The following CLVS1 variants were observed in gnomAD, a reference collection of about 807,000 sequenced individuals.
CLVS1 encodes clavesin-1.
A neutral mutation model predicts 33.1 loss-of-function variants in CLVS1; 10 were observed. The observed-to-expected ratio is 0.30, with a 90% CI of 0.19 to 0.51. The LOEUF is 0.51. CLVS1 is among the 20% of genes least tolerant of loss of function. The pLI is 0.97. For missense variants in CLVS1, 343 were observed against 433.4 expected (o/e 0.79, Z 1.85); for synonymous variants, 163 against 166.1 (o/e 0.98, Z 0.14).
the CLVS1 span, among the ~76,000 whole-genome samples, chr8:61,014,238 T>C: frequency 0.5 from 75,534 of 151,934 alleles, 21,555 homozygotes; most frequent in African/African-American, 0.79. Context: ...TATTCCCCCT[T>C]GTGGAGCTGG....
chr8:61,476,256 C>G (rs1304174205), intron 5 of CLVS1, among the ~76,000 whole-genome samples: 8 of 152,120 alleles, frequency 5.3e-5, no homozygotes, highest in East Asian at 1.9e-4. Context: ...GTTCTTTTGG[C>G]TTAGGATTGA....
At chr8:61,203,294 G>T in intron 2 of CLVS1, 2 of 755,152 alleles carry the variant, frequency 2.6e-6, no homozygotes, top group Admixed American at 1.8e-5. Flanking sequence ...GTTGATATCT[G>T]GCTGTCCTTT....
At chr8:61,067,035 G>A (rs1207137206) in intron 1 of CLVS1, among the ~76,000 whole-genome samples, 1 of 151,952 alleles carries the variant, frequency 6.6e-6, no homozygotes, top group Non-Finnish European at 1.5e-5. Flanking sequence ...TGGGGGGGGA[G>A]GGCAATGATG....
In CLVS1 at chr8:61,365,820, T is replaced by C. The variant is rs148875306; in HGVS notation, c.456-10785T>C. On this transcript the variant is annotated intron_variant, in intron 2 of 5. Transcript: ENST00000325897. ...TGTCCATCATGAATTGTGAAATCAC[T>C]CTATGTCATTAGACAGGAAGGCTGA... Among the ~76,000 whole-genome samples, 291 of 152,102 alleles carry C rather than the reference T, an allele frequency of 1.9e-3. 1 individual carries two copies. Among genetic ancestry groups the C allele is most frequent in the African/African-American group, 6.6e-3 (272 of 41,510 alleles).
chr8:61,002,490 G>C, the CLVS1 span, among the ~76,000 whole-genome samples: 1 of 151,818 alleles, frequency 6.6e-6, no homozygotes, highest in African/African-American at 2.4e-5. Context: ...CACCATGCCC[G>C]GCTAAATTTT....
intron 2 of CLVS1, among the ~76,000 whole-genome samples, chr8:61,173,221 A>T (rs367993217): frequency 1.3e-5 from 2 of 152,320 alleles, no homozygotes; most frequent in African/African-American, 4.8e-5. Flanking sequence ...AGATATAAGT[A>T]AGCATTCCCC....
chr8:61,452,290 C>T (rs1816991196), intron 3 of CLVS1, among the ~76,000 whole-genome samples: 1 of 152,154 alleles, frequency 6.6e-6, no homozygotes, highest in Non-Finnish European at 1.5e-5. Flanking sequence ...TTTAGAGTTC[C>T]ACTTCAGTAA....
the CLVS1 span, among the ~76,000 whole-genome samples, chr8:61,035,142 T>C: frequency 9.9e-5 from 15 of 152,102 alleles, no homozygotes; most frequent in East Asian, 2.7e-3. Flanking sequence ...AAACTTGAGA[T>C]TGCTGCTCTT....
chr8:61,000,371 G>T, the CLVS1 span, among the ~76,000 whole-genome samples: 29 of 152,170 alleles, frequency 1.9e-4, no homozygotes, highest in African/African-American at 6.8e-4. Context: ...GTTGATTTAA[G>T]GGGTAAAAGT....
intron 3 of CLVS1, among the ~76,000 whole-genome samples, chr8:61,396,414 A>G (rs190583928): frequency 4.2e-4 from 64 of 152,270 alleles, no homozygotes; most frequent in Non-Finnish European, 8.2e-4. Flanking sequence ...AAAATCAACC[A>G]TAATTCCTCA....
At chr8:61,430,521 C>G (rs1431463519) in intron 3 of CLVS1, among the ~76,000 whole-genome samples, 1 of 152,124 alleles carries the variant, frequency 6.6e-6, no homozygotes, top group Non-Finnish European at 1.5e-5. Flanking sequence ...AAACTCAAAT[C>G]TAGGCAGTGA....
At chr8:61,333,003 G>A (rs1401131550) in intron 2 of CLVS1, among the ~76,000 whole-genome samples, 6 of 152,194 alleles carry the variant, frequency 3.9e-5, no homozygotes, top group Non-Finnish European at 8.8e-5. Context: ...ATTTAGTTTC[G>A]TTCATATGTT....
chr8:61,072,246 T>A (rs1243956777), intron 1 of CLVS1, among the ~76,000 whole-genome samples: 1 of 152,246 alleles, frequency 6.6e-6, no homozygotes. Context: ...CTCTGTCCTC[T>A]GTCCACTTCC....
the CLVS1 span, among the ~76,000 whole-genome samples, chr8:61,037,580 G>A: frequency 6.6e-6 from 1 of 152,186 alleles, no homozygotes; most frequent in Non-Finnish European, 1.5e-5. Flanking sequence ...TGTGAATAGT[G>A]CTGCCATGAA....
At chr8:61,143,484 A>T (rs1363017777) in intron 2 of CLVS1, among the ~76,000 whole-genome samples, 1 of 152,102 alleles carries the variant, frequency 6.6e-6, no homozygotes, top group Non-Finnish European at 1.5e-5. Context: ...GTGTGTGTGC[A>T]CTCAGAGAAC....
intron 1 of CLVS1, among the ~76,000 whole-genome samples, chr8:61,107,677 C>T (rs961836088): frequency 2.0e-5 from 3 of 152,200 alleles, no homozygotes; most frequent in Admixed American, 6.5e-5. Context: ...GCTGGTTCTC[C>T]GTGAAGATGA....
At chr8:61,267,986 C>A (rs573869507) in intron 2 of CLVS1, among the ~76,000 whole-genome samples, 8 of 152,134 alleles carry the variant, frequency 5.3e-5, no homozygotes, top group Admixed American at 3.3e-4. Context: ...ATGGGCCCTG[C>A]TGGATACTCA....
chr8:61,131,829 G>A (rs1585632548), exon 2 of CLVS1: 1 of 152,058 alleles, frequency 6.6e-6, no homozygotes, highest in Non-Finnish European at 1.5e-5. Flanking sequence ...TATTTTCATC[G>A]TGGACCGGAC....
intron 1 of CLVS1, among the ~76,000 whole-genome samples, chr8:61,123,476 G>A (rs1019279486): frequency 1.4e-4 from 22 of 152,288 alleles, no homozygotes; most frequent in African/African-American, 5.3e-4. Flanking sequence ...AAAATTATAT[G>A]TGGTAAACAT....
Sources: gnomAD v4.1 joint callset for allele counts (sites outside exome capture counted in the v4.1 genomes callset) on GRCh38, gnomAD v4.1.1 for gene constraint, MANE v1.5 for transcripts, NCBI Gene and HGNC (gene_info 2026-07-23, HGNC 2026-07-21) for gene names.